Variants in TBC1D1 observed in about 807,000 individuals in gnomAD.
TBC1D1 encodes TBC1 (tre-2/USP6, BUB2, cdc16) domain family, member 1.
A neutral mutation model predicts 125.6 loss-of-function variants in TBC1D1; 89 were observed. The ratio of observed to expected loss-of-function variants is 0.71; its 90% CI spans 0.60 to 0.85. The LOEUF (loss-of-function observed/expected upper bound fraction) is 0.85, where lower values mean the gene tolerates loss of function less well. TBC1D1 is among the 40% of genes least tolerant of loss of function. TBC1D1 has a pLI of 0.00. For synonymous variants in TBC1D1, 565 were observed against 564.1 expected (o/e 1.00, Z -0.02); for missense variants, 1,377 against 1,469.2 (o/e 0.94, Z 1.03).
chr4:38,120,256 C>T, intron 17 of TBC1D1: 1 of 360,292 alleles, frequency 2.8e-6, no homozygotes, highest in Non-Finnish European at 3.9e-6. Flanking sequence ...TGGCCAAGGG[C>T]TCCTGGGATT....
intron 2 of TBC1D1, among the ~76,000 whole-genome samples, chr4:37,994,782 C>T (rs1737411891): frequency 6.6e-6 from 1 of 152,184 alleles, no homozygotes; most frequent in Admixed American, 6.5e-5. Flanking sequence ...TGACATTTCT[C>T]CTAATGCCCT....
rs1163322866 is a variant in TBC1D1 at position 37,902,290 on chromosome 4, G to A, written c.195G>A (p.Arg65=). 26 of 1,614,110 alleles carry A rather than the reference G, an allele frequency of 1.6e-5. No homozygotes were observed. Among genetic ancestry groups the A allele is most frequent in the Non-Finnish European group, 2.0e-5 (24 of 1,180,018 alleles). The change falls in exon 2 of 20, where the codon CGG becomes CGA. Residue 65 remains arginine, a synonymous_variant. Coordinates refer to ENST00000261439, the MANE Select transcript of TBC1D1 (RefSeq NM_015173.4). ...AGGAACCTGTAACCAAGCAAGTCCG[G>A]CTTTGCGTTTCACCCTCTGGACTGA...
intron 10 of TBC1D1, among the ~76,000 whole-genome samples, chr4:38,047,541 G>A (rs538947384): frequency 1.3e-5 from 2 of 152,284 alleles, no homozygotes; most frequent in South Asian, 4.1e-4. Context: ...TTGCAAGTGT[G>A]GGAAGGCTAT....
At chr4:38,123,888 A>G (rs1257997057) in intron 17 of TBC1D1, among the ~76,000 whole-genome samples, 1 of 152,240 alleles carries the variant, frequency 6.6e-6, no homozygotes, top group Admixed American at 6.5e-5. Context: ...TTTGCACAGC[A>G]GCACCCAGTC....
At chr4:38,019,850 G>C (rs1377046387) in intron 4 of TBC1D1, among the ~76,000 whole-genome samples, 1 of 151,976 alleles carries the variant, frequency 6.6e-6, no homozygotes, top group African/African-American at 2.4e-5. Flanking sequence ...CTTTATTCCA[G>C]TTCACTTCAG....
intron 2 of TBC1D1, among the ~76,000 whole-genome samples, chr4:37,981,881 G>A (rs1389490421): frequency 2.0e-5 from 3 of 152,172 alleles, no homozygotes; most frequent in Non-Finnish European, 1.5e-5. Context: ...GTTTTGGTTC[G>A]GATAGGAGGT....
intron 12 of TBC1D1, among the ~76,000 whole-genome samples, chr4:38,063,818 G>A (rs897649344): frequency 6.6e-5 from 10 of 151,956 alleles, no homozygotes; most frequent in African/African-American, 2.4e-4. Context: ...TACTAGAGAC[G>A]GGGTTTCACC....
chr4:38,053,269 G>A, intron 11 of TBC1D1, 44 bp downstream of exon 13: 2 of 1,359,064 alleles, frequency 1.5e-6, no homozygotes. Context: ...GTTACTAAGT[G>A]TTGAATATCA....
intron 2 of TBC1D1, among the ~76,000 whole-genome samples, chr4:37,938,578 A>G (rs918258903): frequency 1.3e-5 from 2 of 152,068 alleles, no homozygotes; most frequent in Non-Finnish European, 2.9e-5. Flanking sequence ...CATGTGCACA[A>G]AGTGCAGGTT....
intron 2 of TBC1D1, among the ~76,000 whole-genome samples, chr4:38,003,529 C>G (rs568892824): frequency 1.3e-5 from 2 of 152,224 alleles, no homozygotes; most frequent in South Asian, 4.2e-4. Context: ...TCGTTCTGTA[C>G]TGAAAGGTAG....
At chr4:38,016,097 G>A (rs1432351131) in intron 3 of TBC1D1, among the ~76,000 whole-genome samples, 2 of 152,200 alleles carry the variant, frequency 1.3e-5, no homozygotes, top group Non-Finnish European at 2.9e-5. Context: ...AGACAAGTAT[G>A]TTCTCTGCCC....
intron 2 of TBC1D1, among the ~76,000 whole-genome samples, chr4:38,013,136 A>G (rs1390054219): frequency 1.3e-5 from 2 of 152,188 alleles, no homozygotes; most frequent in African/African-American, 2.4e-5. Flanking sequence ...TCAGGTATCA[A>G]TTATTTAAAA....
At chr4:37,926,053 C>G (rs938854155) in intron 2 of TBC1D1, among the ~76,000 whole-genome samples, 2 of 152,190 alleles carry the variant, frequency 1.3e-5, no homozygotes, top group African/African-American at 4.8e-5. Flanking sequence ...CTATGATTAT[C>G]CATCATCATT....
chr4:38,016,308 G>T lies in TBC1D1; in HGVS notation c.882+1335G>T, dbSNP rs143728449. On this transcript the variant is annotated intron_variant, in intron 3 of 19. Coordinates refer to ENST00000261439, the MANE Select transcript of TBC1D1 (RefSeq NM_015173.4). ...TGTGGCCACCTGGGAAGGTCTTCTG[G>T]GCTCACAGAGCAGCAGATGAGAAGG... Among the ~76,000 whole-genome samples the T allele has an allele frequency of 9.5e-4, 144 of 152,260 alleles. 1 individual carries two copies. Among genetic ancestry groups the T allele is most frequent in the African/African-American group, 3.4e-3 (140 of 41,560 alleles).
chr4:38,066,104 G>A (rs963483039), intron 12 of TBC1D1, among the ~76,000 whole-genome samples: 1 of 152,090 alleles, frequency 6.6e-6, no homozygotes. Flanking sequence ...ACAGTTTTAC[G>A]AGTAAATTAT....
At chr4:38,010,992 A>T (rs1171987379) in intron 2 of TBC1D1, among the ~76,000 whole-genome samples, 1 of 152,240 alleles carries the variant, frequency 6.6e-6, no homozygotes, top group Non-Finnish European at 1.5e-5. Flanking sequence ...TCCAGGACAG[A>T]GTTAGAAGGA....
At chr4:37,997,192 G>A (rs770520428) in intron 2 of TBC1D1, among the ~76,000 whole-genome samples, 9 of 152,210 alleles carry the variant, frequency 5.9e-5, no homozygotes, top group Non-Finnish European at 1.0e-4. Flanking sequence ...TCACGAGACA[G>A]ACCAGTGCTT....
intron 15 of TBC1D1, among the ~76,000 whole-genome samples, chr4:38,104,697 C>G (rs1037494154): frequency 1.3e-5 from 2 of 152,104 alleles, no homozygotes; most frequent in African/African-American, 4.8e-5. Context: ...AAGTCCTTTC[C>G]TCTCAAGCCA....
intron 2 of TBC1D1, among the ~76,000 whole-genome samples, chr4:37,917,606 A>G (rs1720008506): frequency 6.6e-6 from 1 of 152,206 alleles, no homozygotes. Context: ...GCAGAGAGCC[A>G]GGATTCACTG....
Sources: allele counts gnomAD v4.1 joint callset (sites outside exome capture counted in the v4.1 genomes callset), GRCh38; gene constraint gnomAD v4.1.1; transcripts MANE v1.5; gene names NCBI Gene and HGNC (gene_info 2026-07-23, HGNC 2026-07-21).